The following CDH18 variants were observed in gnomAD, a reference collection of about 807,000 sequenced individuals.
CDH18 encodes cadherin-18.
A neutral mutation model predicts 67.9 loss-of-function variants in CDH18; 31 were observed. The observed-to-expected ratio is 0.46, with a 90% confidence interval of 0.34 to 0.62. The LOEUF (loss-of-function observed/expected upper bound fraction) is 0.62, where lower values mean the gene tolerates loss of function less well. CDH18 is among the 20% of genes least tolerant of loss of function. The pLI is 0.01. For missense variants in CDH18, 890 were observed against 975.5 expected, an observed-to-expected ratio of 0.91 and a Z score of 1.17; for synonymous variants, 362 against 347.2, an observed-to-expected ratio of 1.04 and a Z score of -0.48.
intron 5 of CDH18, among the ~76,000 whole-genome samples, chr5:19,645,952 T>G (rs1266933707): frequency 6.6e-6 from 1 of 152,200 alleles, no homozygotes; most frequent in Admixed American, 6.5e-5. Flanking sequence ...ATCCTTCTGT[T>G]GTTGTTTTGC....
intron 2 of CDH18, among the ~76,000 whole-genome samples, chr5:20,021,411 T>C (rs1423959678): frequency 1.3e-5 from 2 of 152,070 alleles, no homozygotes. Context: ...TAATATGGTG[T>C]GGATTTGTGT....
At chr5:19,803,823 T>C (rs1777721334) in intron 3 of CDH18, 3 of 152,124 alleles carry the variant, frequency 2.0e-5, no homozygotes, top group African/African-American at 2.4e-5. Flanking sequence ...AGTACCTACC[T>C]TAAAAGATAA....
At chr5:20,499,871 A>C (rs1181533665) in intron 1 of CDH18, among the ~76,000 whole-genome samples, 1 of 152,182 alleles carries the variant, frequency 6.6e-6, no homozygotes. Flanking sequence ...CATTCCAAGT[A>C]TATAAATTTA....
chr5:20,488,853 G>A (rs1030594048), intron 1 of CDH18, among the ~76,000 whole-genome samples: 2 of 151,800 alleles, frequency 1.3e-5, no homozygotes, highest in Non-Finnish European at 2.9e-5. Context: ...TTTATTAAGT[G>A]CCAACTATAT....
chr5:19,735,970 A>G (rs1768267381), intron 4 of CDH18, among the ~76,000 whole-genome samples: 1 of 152,220 alleles, frequency 6.6e-6, no homozygotes, highest in South Asian at 2.1e-4. Context: ...AAATTCAGGT[A>G]ATTTAATTGG....
intron 5 of CDH18, among the ~76,000 whole-genome samples, chr5:19,682,937 T>A (rs1378382254): frequency 6.6e-6 from 1 of 151,992 alleles, no homozygotes; most frequent in Non-Finnish European, 1.5e-5. Flanking sequence ...ACTACGGGAG[T>A]TAATTATCTT....
intron 2 of CDH18, among the ~76,000 whole-genome samples, chr5:20,225,474 A>C (rs1741548411): frequency 1.3e-5 from 2 of 152,158 alleles, no homozygotes; most frequent in South Asian, 4.1e-4. Context: ...TAGCCTAATA[A>C]TATCAACCAC....
At chr5:20,035,024 T>G (rs996423042) in intron 2 of CDH18, among the ~76,000 whole-genome samples, 1 of 152,040 alleles carries the variant, frequency 6.6e-6, no homozygotes, top group Non-Finnish European at 1.5e-5. Flanking sequence ...TCAAATCCAT[T>G]ATATGATTGG....
intron 3 of CDH18, among the ~76,000 whole-genome samples, chr5:19,757,241 A>G (rs1401859643): frequency 1.3e-5 from 2 of 152,296 alleles, no homozygotes; most frequent in South Asian, 2.1e-4. Flanking sequence ...CGATAGGCAA[A>G]CCCATATGCA....
At chr5:20,221,759 A>G (rs1048361361) in intron 2 of CDH18, among the ~76,000 whole-genome samples, 6 of 152,088 alleles carry the variant, frequency 3.9e-5, no homozygotes, top group Non-Finnish European at 8.8e-5. Flanking sequence ...CTATGTCCCC[A>G]CAAAAATAAA....
chr5:19,705,446 G>A (rs2150501136), intron 5 of CDH18, among the ~76,000 whole-genome samples: 1 of 152,252 alleles, frequency 6.6e-6, no homozygotes, highest in South Asian at 2.1e-4. Context: ...TAATCCATTT[G>A]CTATCCTTAG....
At chr5:19,659,098 A>G (rs935039144) in intron 5 of CDH18, among the ~76,000 whole-genome samples, 3 of 152,168 alleles carry the variant, frequency 2.0e-5, no homozygotes, top group African/African-American at 7.2e-5. Flanking sequence ...GAATTGAACA[A>G]TGATACTTTT....
At chr5:19,853,543 C>T (rs1027789517) in intron 2 of CDH18, among the ~76,000 whole-genome samples, 3 of 152,020 alleles carry the variant, frequency 2.0e-5, no homozygotes, top group Admixed American at 2.0e-4. Flanking sequence ...TTTTATTGTG[C>T]CACATGGAAC....
chr5:19,678,644 A>G (rs1357378365), intron 5 of CDH18, among the ~76,000 whole-genome samples: 2 of 151,908 alleles, frequency 1.3e-5, no homozygotes, highest in Non-Finnish European at 2.9e-5. Context: ...CAGAAATACC[A>G]AATACCTTCC....
At chr5:19,658,028 C>T (rs1234647166) in intron 5 of CDH18, among the ~76,000 whole-genome samples, 2 of 152,068 alleles carry the variant, frequency 1.3e-5, no homozygotes, top group Non-Finnish European at 2.9e-5. Context: ...TTTAATCTCT[C>T]TGATCACTAA....
chr5:19,860,696 A>G (rs1156477318), intron 2 of CDH18, among the ~76,000 whole-genome samples: 3 of 151,964 alleles, frequency 2.0e-5, no homozygotes, highest in Admixed American at 1.3e-4. Flanking sequence ...AAGTTACTTA[A>G]ACATCCCACT....
chr5:19,481,900 T>A (rs1739485573), intron 12 of CDH18, among the ~76,000 whole-genome samples: 1 of 152,180 alleles, frequency 6.6e-6, no homozygotes, highest in African/African-American at 2.4e-5. Flanking sequence ...CCCCACTTGA[T>A]GAAGCAGAAA....
At chr5:20,373,458 T>C (rs1337809233) in intron 1 of CDH18, among the ~76,000 whole-genome samples, 3 of 152,130 alleles carry the variant, frequency 2.0e-5, no homozygotes, top group South Asian at 2.1e-4. Flanking sequence ...CTTATACCTG[T>C]TTATTCTTAT....
chr5:20,065,972 T>C (rs546796632), intron 2 of CDH18, among the ~76,000 whole-genome samples: 23 of 152,156 alleles, frequency 1.5e-4, no homozygotes, highest in African/African-American at 5.3e-4. Context: ...GAAAGGCAAC[T>C]TTAAGATGGG....
Sources: gnomAD v4.1 joint callset for allele counts (sites outside exome capture counted in the v4.1 genomes callset) on GRCh38, gnomAD v4.1.1 for gene constraint, MANE v1.5 for transcripts, NCBI Gene and HGNC (gene_info 2026-07-23, HGNC 2026-07-21) for gene names.